PDE3A: variants seen among roughly 807,000 people sequenced by gnomAD.
The protein encoded by PDE3A is cGMP-inhibited 3',5'-cyclic phosphodiesterase 3A.
Under a neutral mutation model 98.3 loss-of-function variants are expected in PDE3A, and 43 were observed. The observed-to-expected ratio is 0.44, with a 90% CI of 0.34 to 0.56. The LOEUF (loss-of-function observed/expected upper bound fraction) is 0.56, where lower values mean the gene tolerates loss of function less well. PDE3A is among the 20% of genes least tolerant of loss of function. PDE3A has a pLI of 0.01. For synonymous variants in PDE3A, 663 were observed against 567.9 expected (o/e 1.17, Z -2.38); for missense variants, 1,427 against 1,440.7 (o/e 0.99, Z 0.15).
intron 2 of PDE3A, among the ~76,000 whole-genome samples, chr12:20,579,745 C>T (rs1943021560): frequency 6.6e-6 from 1 of 152,174 alleles, no homozygotes; most frequent in Admixed American, 6.5e-5. Flanking sequence ...ACTTTCTACT[C>T]TGCAATCAGC....
chr12:20,449,350 A>G lies in PDE3A; in HGVS notation c.960+79106A>G, dbSNP rs10082782. ...ATTTTATGAGGCAAAATACAGCAAA[A>G]TATTTCAACACCACATTTTTGTTTT... On this transcript the variant is annotated intron_variant, in intron 1 of 15. Transcript: ENST00000359062. 7.8e-3 allele frequency among the ~76,000 whole-genome samples: 1,194 copies of G among 152,352 alleles called. 20 individuals are homozygous for G. Among genetic ancestry groups the G allele is most frequent in the African/African-American group, 0.028 (1,146 of 41,586 alleles).
intron 1 of PDE3A, among the ~76,000 whole-genome samples, chr12:20,439,831 G>A (rs1189414591): frequency 6.6e-6 from 1 of 151,916 alleles, no homozygotes; most frequent in Non-Finnish European, 1.5e-5. Flanking sequence ...TTAAACATCA[G>A]GATATTGCAT....
At chr12:20,387,719 G>A (rs1047784068) in intron 1 of PDE3A, among the ~76,000 whole-genome samples, 1 of 152,008 alleles carries the variant, frequency 6.6e-6, no homozygotes, top group African/African-American at 2.4e-5. Context: ...TGTAAGTTAG[G>A]AGTTTGCTAA....
chr12:20,372,031 A>G (rs1352634560), intron 1 of PDE3A, among the ~76,000 whole-genome samples: 2 of 152,132 alleles, frequency 1.3e-5, no homozygotes, highest in East Asian at 3.8e-4. Flanking sequence ...TATTTTTTAA[A>G]ATTTTATATT....
intron 2 of PDE3A, among the ~76,000 whole-genome samples, chr12:20,580,403 A>G (rs562351245): frequency 1.2e-4 from 18 of 152,274 alleles, no homozygotes; most frequent in African/African-American, 3.8e-4. Flanking sequence ...GAGGAGAAAA[A>G]TCTGTATAGA....
intron 15 of PDE3A, among the ~76,000 whole-genome samples, chr12:20,670,504 G>C (rs1945444812): frequency 6.6e-6 from 1 of 152,134 alleles, no homozygotes; most frequent in Non-Finnish European, 1.5e-5. Flanking sequence ...CTATCTCTCA[G>C]ACCACAGTGC....
At position 20,369,611 on chromosome 12, in the gene PDE3A, G is replaced by C. The variant is rs1943421200; in HGVS notation, c.327G>C (p.Gly109=). 1 of 1,574,018 alleles carries C rather than the reference G, an allele frequency of 6.4e-7. No homozygotes were observed. Among genetic ancestry groups the C allele is most frequent in the African/African-American group, 1.3e-5 (1 of 74,138 alleles). The change falls in exon 1 of 16, where the codon GGG becomes GGC. Residue 109 remains glycine, a synonymous_variant. Transcript: ENST00000359062. ...EEEEAAPGAE[G]GVFPGPRGGA... is the part of the protein sequence containing the mutation. ...AGGAAGCAGCCCCGGGAGCAGAAGG[G>C]GGCGTCTTCCCGGGGCCTCGGGGAG...
chr12:20,386,049 T>TATAAATATATATAAATATATGTA (rs1249961883), intron 1 of PDE3A, among the ~76,000 whole-genome samples: 2 of 49,288 alleles, frequency 4.1e-5, no homozygotes, highest in African/African-American at 1.5e-4. Flanking sequence ...AAAATATATA[T>TATAAATATATATAAATATATGTA]AAATATATAT....
intron 1 of PDE3A, among the ~76,000 whole-genome samples, chr12:20,536,869 G>T (rs905378457): frequency 6.6e-6 from 1 of 152,110 alleles, no homozygotes; most frequent in African/African-American, 2.4e-5. Context: ...AAATTTTTGT[G>T]TGGATATTTG....
At chr12:20,574,192 C>G (rs570255813) in intron 2 of PDE3A, among the ~76,000 whole-genome samples, 3 of 152,072 alleles carry the variant, frequency 2.0e-5, no homozygotes, top group Non-Finnish European at 4.4e-5. Flanking sequence ...TTAACCAGCA[C>G]GAGGTCCATG....
At chr12:20,560,995 G>A (rs1942502141) in intron 2 of PDE3A, among the ~76,000 whole-genome samples, 1 of 150,908 alleles carries the variant, frequency 6.6e-6, no homozygotes, top group African/African-American at 2.5e-5. Flanking sequence ...AGGGGCAGTG[G>A]CTCACGCTTG....
rs565956666 is a variant in PDE3A, at chr12:20,634,921, C to T, written c.1866C>T (p.Thr622=). The T allele has an allele frequency of 1.4e-5, 23 of 1,609,546 alleles. No individual in the cohort carries two copies. Among genetic ancestry groups the T allele is most frequent in the South Asian group, 2.2e-5 (2 of 90,982 alleles). Residue 622 remains threonine, a synonymous_variant, in exon 8 of 16, where the codon ACC becomes ACT. Transcript: ENST00000359062. The part of the protein sequence containing the change: ...PSRTDDTAQV[T]SDYETNNNSD... ...TTGTAGATGACACTGCTCAAGTTAC[C>T]TCTGATTATGAAACCAATAACAACA...
At chr12:20,438,026 A>C (rs954385417) in intron 1 of PDE3A, among the ~76,000 whole-genome samples, 3 of 151,816 alleles carry the variant, frequency 2.0e-5, no homozygotes, top group African/African-American at 7.3e-5. Context: ...TTTTGTTACA[A>C]TTGTCTTACA....
chr12:20,389,374 CTCA>C (rs1943871943), intron 1 of PDE3A, among the ~76,000 whole-genome samples: 2 of 152,000 alleles, frequency 1.3e-5, no homozygotes, highest in Admixed American at 1.3e-4. Context: ...ACAACTATAT[CTCA>C]TCAATCAGAA....
At chr12:20,457,377 G>C (rs1408359816) in intron 1 of PDE3A, among the ~76,000 whole-genome samples, 1 of 151,292 alleles carries the variant, frequency 6.6e-6, no homozygotes, top group Non-Finnish European at 1.5e-5. Context: ...GCTCCCAACA[G>C]TATTATACTT....
chr12:20,390,749 A>G (rs1037582726), intron 1 of PDE3A, among the ~76,000 whole-genome samples: 1 of 151,926 alleles, frequency 6.6e-6, no homozygotes, highest in Non-Finnish European at 1.5e-5. Context: ...ACAAAAAAAT[A>G]TTTTAATACC....
chr12:20,611,981 A>ATGTT (rs995657962), intron 2 of PDE3A, among the ~76,000 whole-genome samples: 1 of 151,642 alleles, frequency 6.6e-6, no homozygotes, highest in African/African-American at 2.4e-5. Flanking sequence ...TTGTTTTTAT[A>ATGTT]TGTTTAGATA....
rs1475749114 is a variant in PDE3A, at chr12:20,370,157, G to A, written c.873G>A (p.Arg291=). 6.2e-7 allele frequency: 1 copy of A among 1,613,084 alleles called. No homozygotes were observed. The highest frequency in any genetic ancestry group is 1.1e-5 in the South Asian group (1 of 91,012). The change falls in exon 1 of 16, where the codon CGG becomes CGA. Residue 291 remains arginine (R), a synonymous_variant. Transcript: ENST00000359062. ...EDIPVFKRRR[R]SSSVVSAEMS... ...TCCCGGTGTTTAAGAGGAGGAGGCG[G>A]TCCAGCTCCGTCGTGTCCGCCGAGA...
At chr12:20,658,195 A>C (rs538715796) in intron 15 of PDE3A, among the ~76,000 whole-genome samples, 1 of 152,188 alleles carries the variant, frequency 6.6e-6, no homozygotes, top group East Asian at 1.9e-4. Context: ...TTAAATTTCA[A>C]TTGTATCTAC....
Sources: allele counts gnomAD v4.1 joint callset (sites outside exome capture counted in the v4.1 genomes callset), GRCh38; gene constraint gnomAD v4.1.1; transcripts MANE v1.5; gene names NCBI Gene and HGNC (gene_info 2026-07-23, HGNC 2026-07-21).